Variants in NFIA observed in about 807,000 individuals in gnomAD.
The protein encoded by NFIA is nuclear factor 1 A-type.
In NFIA, 8 loss-of-function variants were observed where a neutral mutation model predicts 62.8. The ratio of observed to expected loss-of-function variants is 0.13; its 90% CI spans 0.07 to 0.23. NFIA has a LOEUF of 0.23. NFIA is among the 10% of genes least tolerant of loss of function. The pLI is 1.00. For synonymous variants in NFIA, 235 were observed against 238.1 expected (o/e 0.99, Z 0.12); for missense variants, 410 against 642.1 (o/e 0.64, Z 3.91).
intron 2 of NFIA, among the ~76,000 whole-genome samples, chr1:61,129,389 T>TG (rs908864219): frequency 8.5e-5 from 13 of 152,088 alleles, no homozygotes; most frequent in South Asian, 6.2e-4. Context: ...GATTAAAGGA[T>TG]GGTTTCTGTG....
At chr1:61,130,989 A>G (rs1647062447) in intron 2 of NFIA, among the ~76,000 whole-genome samples, 2 of 152,156 alleles carry the variant, frequency 1.3e-5, no homozygotes, top group South Asian at 4.1e-4. Flanking sequence ...TCATCAATCT[A>G]GTCTTCCTTG....
intron 3 of NFIA, among the ~76,000 whole-genome samples, chr1:61,293,868 C>A (rs1659039646): frequency 6.6e-6 from 1 of 152,194 alleles, no homozygotes; most frequent in South Asian, 2.1e-4. Flanking sequence ...ATCTAATGTG[C>A]TCAAAGCTCA....
intron 2 of NFIA, among the ~76,000 whole-genome samples, chr1:61,200,890 T>A (rs1206626939): frequency 6.6e-6 from 1 of 152,244 alleles, no homozygotes; most frequent in Non-Finnish European, 1.5e-5. Context: ...CTGTTATGGC[T>A]GTAGACAAGT....
chr1:61,337,269 G>T (rs573648316), intron 4 of NFIA, among the ~76,000 whole-genome samples: 1 of 152,130 alleles, frequency 6.6e-6, no homozygotes, highest in Non-Finnish European at 1.5e-5. Flanking sequence ...AACTGAAGCT[G>T]CAATCTTCCG....
At chr1:61,209,663 A>AAAATACAACAAC (rs1653118255) in intron 2 of NFIA, among the ~76,000 whole-genome samples, 1 of 119,524 alleles carries the variant, frequency 8.4e-6, no homozygotes, top group Admixed American at 8.4e-5. Context: ...ATCTCTATGA[A>AAAATACAACAAC]AAATACAACA....
upstream of NFIA, among the ~76,000 whole-genome samples, chr1:61,081,568 A>G (rs140250340): frequency 3.6e-3 from 544 of 152,262 alleles, 3 homozygotes; most frequent in African/African-American, 0.013. Flanking sequence ...AAAAAGTAAA[A>G]GATGTCACAG....
At chr1:61,145,052 C>T (rs1647827462) in intron 2 of NFIA, among the ~76,000 whole-genome samples, 1 of 152,150 alleles carries the variant, frequency 6.6e-6, no homozygotes, top group Admixed American at 6.5e-5. Flanking sequence ...TCAAGTGCCT[C>T]TAAAATTTTA....
chr1:61,414,128 G>A (rs1666247179), intron 9 of NFIA, among the ~76,000 whole-genome samples: 1 of 151,938 alleles, frequency 6.6e-6, no homozygotes, highest in African/African-American at 2.4e-5. Context: ...GATGACAGGT[G>A]CGCACCACCA....
At chr1:61,078,674 A>C (rs549646606), upstream of NFIA, among the ~76,000 whole-genome samples, 1 of 152,340 alleles carries the variant, frequency 6.6e-6, no homozygotes, top group African/African-American at 2.4e-5. Context: ...ACTTGAAAGA[A>C]ATTAGGGGAG....
At chr1:61,359,575 TTTTG>T (rs1181944895) in intron 6 of NFIA, among the ~76,000 whole-genome samples, 4 of 152,062 alleles carry the variant, frequency 2.6e-5, no homozygotes, top group South Asian at 2.1e-4. Flanking sequence ...GTTTGTTTTG[TTTTG>T]TTTGTTTGTT....
chr1:61,330,788 T>C (rs35083921), intron 3 of NFIA, among the ~76,000 whole-genome samples: 15,402 of 152,048 alleles, frequency 0.1, 900 homozygotes, highest in Middle Eastern at 0.16. Context: ...GTAAAGAAGG[T>C]AGGGATGAGC....
chr1:61,354,341 G>T (rs934205512), intron 5 of NFIA, among the ~76,000 whole-genome samples: 2 of 152,148 alleles, frequency 1.3e-5, no homozygotes, highest in Admixed American at 6.6e-5. Flanking sequence ...AATTAACGAT[G>T]TACAGGTTAG....
intron 2 of NFIA, among the ~76,000 whole-genome samples, chr1:61,150,002 T>C (rs574362138): frequency 6.6e-6 from 1 of 152,296 alleles, no homozygotes; most frequent in African/African-American, 2.4e-5. Context: ...TTTCCTTTTT[T>C]TCCTCTGGAG....
At chr1:61,149,498 T>A (rs1248808152) in intron 2 of NFIA, among the ~76,000 whole-genome samples, 1 of 152,212 alleles carries the variant, frequency 6.6e-6, no homozygotes, top group Non-Finnish European at 1.5e-5. Context: ...CTGTATGCCT[T>A]TCATGTTTGC....
At chr1:61,274,950 G>A (rs916722568) in intron 2 of NFIA, among the ~76,000 whole-genome samples, 27 of 152,132 alleles carry the variant, frequency 1.8e-4, no homozygotes, top group African/African-American at 6.5e-4. Flanking sequence ...ACGGCCGAGG[G>A]TAGAAAATAA....
intron 3 of NFIA, among the ~76,000 whole-genome samples, chr1:61,310,942 C>G (rs764650077): frequency 1.4e-4 from 22 of 152,160 alleles, no homozygotes; most frequent in Non-Finnish European, 3.1e-4. Flanking sequence ...TGTGCAAGCT[C>G]CTGATGGGCA....
chr1:61,270,270 A>G (rs1657426701), intron 2 of NFIA, among the ~76,000 whole-genome samples: 1 of 152,212 alleles, frequency 6.6e-6, no homozygotes, highest in African/African-American at 2.4e-5. Context: ...AAGTTAGGCA[A>G]AATCATCAGT....
At chr1:61,407,329 T>G (rs1379786981) in intron 9 of NFIA, among the ~76,000 whole-genome samples, 1 of 152,024 alleles carries the variant, frequency 6.6e-6, no homozygotes, top group Non-Finnish European at 1.5e-5. Flanking sequence ...GAGAGTAGGA[T>G]GGAAGGAGGA....
At chr1:61,368,677 A>G (rs1218889754) in intron 6 of NFIA, among the ~76,000 whole-genome samples, 2 of 152,256 alleles carry the variant, frequency 1.3e-5, no homozygotes, top group Non-Finnish European at 2.9e-5. Context: ...AGGGCACTAT[A>G]CATATTTTTA....
Sources: allele counts gnomAD v4.1 joint callset (sites outside exome capture counted in the v4.1 genomes callset), GRCh38; gene constraint gnomAD v4.1.1; transcripts MANE v1.5; gene names NCBI Gene and HGNC (gene_info 2026-07-23, HGNC 2026-07-21).